The following NCALD variants were observed in gnomAD, a reference collection of about 807,000 sequenced individuals.
NCALD encodes neurocalcin delta, also known as neurocalcin-delta.
A neutral mutation model predicts 18.6 loss-of-function variants in NCALD; 10 were observed. That is an observed-to-expected ratio of 0.54 (90% CI 0.33 to 0.91). The LOEUF (loss-of-function observed/expected upper bound fraction) is 0.91. NCALD is among the 40% of genes least tolerant of loss of function. NCALD has a pLI of 0.03. For synonymous variants in NCALD, 88 were observed against 87.4 expected (o/e 1.01, Z -0.04); for missense variants, 184 against 247.6 (o/e 0.74, Z 1.72).
intron 1 of NCALD, among the ~76,000 whole-genome samples, chr8:102,069,679 C>T (rs1281580890): frequency 6.6e-6 from 1 of 152,204 alleles, no homozygotes; most frequent in Non-Finnish European, 1.5e-5. Context: ...TGCACACACA[C>T]ACAGAAATCC....
chr8:101,729,337 G>C (rs180908619), intron 1 of NCALD, among the ~76,000 whole-genome samples: 15 of 152,316 alleles, frequency 9.8e-5, no homozygotes, highest in Non-Finnish European at 8.8e-5. Flanking sequence ...CACTAACTTA[G>C]TCTTTATCTT....
chr8:101,755,612 G>A lies in NCALD; in HGVS notation c.-20+35250C>T, dbSNP rs371213495. On this transcript the variant is annotated intron_variant, in intron 1 of 3. Coordinates refer to ENST00000220931, the MANE Select transcript of NCALD (RefSeq NM_032041.3). Reference sequence around the variant, plus strand: ...TACCCTCCAGCAGCTTTTCCAGCCCGCATCTCACATCCTAAGGCTTGCAGG... The same window carrying A: ...TACCCTCCAGCAGCTTTTCCAGCCCACATCTCACATCCTAAGGCTTGCAGG... Among the ~76,000 whole-genome samples, 154 of 152,076 alleles carry A rather than the reference G, an allele frequency of 1.0e-3. 8 individuals carry two copies. The South Asian group carries it at 0.03, about 30-fold the overall frequency.
chr8:101,972,013 C>T (rs1418555732), intron 2 of NCALD, among the ~76,000 whole-genome samples: 1 of 152,088 alleles, frequency 6.6e-6, no homozygotes, highest in African/African-American at 2.4e-5. Context: ...GAGAATTGGA[C>T]CTGAACAGCC....
intron 3 of NCALD, among the ~76,000 whole-genome samples, chr8:101,895,492 T>C (rs1361691659): frequency 2.0e-5 from 3 of 151,558 alleles, no homozygotes; most frequent in Non-Finnish European, 2.9e-5. Context: ...CTGTTCAATA[T>C]AGTGTTGGAA....
chr8:101,774,721 T>C (rs1418001753), intron 1 of NCALD, among the ~76,000 whole-genome samples: 2 of 152,182 alleles, frequency 1.3e-5, no homozygotes, highest in Non-Finnish European at 2.9e-5. Flanking sequence ...ACCCAAGGCA[T>C]GTCAGTCCCA....
chr8:101,814,187 C>T (rs1398476674), intron 4 of NCALD, among the ~76,000 whole-genome samples: 1 of 151,754 alleles, frequency 6.6e-6, no homozygotes, highest in East Asian at 1.9e-4. Context: ...GTACCAAACC[C>T]AAAGACATAA....
chr8:101,909,880 AC>A (rs1226674458), intron 3 of NCALD, among the ~76,000 whole-genome samples: 6 of 152,174 alleles, frequency 3.9e-5, no homozygotes, highest in Admixed American at 2.0e-4. Flanking sequence ...GACAGGGTAG[AC>A]CCATAGCAAG....
chr8:101,849,964 T>TC (rs1339599265), intron 4 of NCALD, among the ~76,000 whole-genome samples: 1 of 152,158 alleles, frequency 6.6e-6, no homozygotes, highest in African/African-American at 2.4e-5. Context: ...TAAGAGGTGT[T>TC]CCCCCACTCC....
At chr8:101,701,592 T>C (rs945560881) in intron 2 of NCALD, among the ~76,000 whole-genome samples, 2 of 152,198 alleles carry the variant, frequency 1.3e-5, no homozygotes, top group Non-Finnish European at 2.9e-5. Context: ...CTTGGGATGT[T>C]GGAAAGAGAG....
intron 4 of NCALD, among the ~76,000 whole-genome samples, chr8:101,884,109 T>C (rs1428954661): frequency 6.6e-6 from 1 of 152,212 alleles, no homozygotes; most frequent in Admixed American, 6.5e-5. Flanking sequence ...GGCTCAATTC[T>C]TAGTAAGCTG....
At chr8:101,775,265 C>G (rs953151332) in intron 1 of NCALD, among the ~76,000 whole-genome samples, 1 of 152,184 alleles carries the variant, frequency 6.6e-6, no homozygotes, top group Non-Finnish European at 1.5e-5. Context: ...TATTCCAGCA[C>G]TACTTGTTAA....
At chr8:101,989,845 C>A (rs952440593) in intron 2 of NCALD, among the ~76,000 whole-genome samples, 5 of 152,164 alleles carry the variant, frequency 3.3e-5, no homozygotes, top group African/African-American at 1.2e-4. Flanking sequence ...GGTTATAGTA[C>A]AGAAATGATA....
intron 4 of NCALD, among the ~76,000 whole-genome samples, chr8:101,868,462 G>A (rs73280834): frequency 0.012 from 1,874 of 152,190 alleles, 38 homozygotes; most frequent in African/African-American, 0.041. Flanking sequence ...ACCCCAACTT[G>A]TCACACCTAA....
chr8:101,841,640 T>C (rs1332143764), intron 4 of NCALD, among the ~76,000 whole-genome samples: 1 of 152,232 alleles, frequency 6.6e-6, no homozygotes, highest in African/African-American at 2.4e-5. Context: ...ACCCTGCTTA[T>C]AGTCTTGTTG....
At chr8:101,793,718 A>T (rs548636045), upstream of NCALD, among the ~76,000 whole-genome samples, 1 of 152,348 alleles carries the variant, frequency 6.6e-6, no homozygotes, top group East Asian at 1.9e-4. Flanking sequence ...TTGACAAGTC[A>T]TTTTTTAAGG....
At chr8:102,118,590 G>A (rs1371762904) in intron 1 of NCALD, among the ~76,000 whole-genome samples, 1 of 152,210 alleles carries the variant, frequency 6.6e-6, no homozygotes, top group Non-Finnish European at 1.5e-5. Context: ...TGGGCCATGA[G>A]ATCTCTCGAT....
chr8:102,065,693 T>C (rs184247034), intron 1 of NCALD, among the ~76,000 whole-genome samples: 1 of 152,236 alleles, frequency 6.6e-6, no homozygotes, highest in Non-Finnish European at 1.5e-5. Flanking sequence ...AAAGTAAAAT[T>C]TTACTCTGGG....
rs75064606 is a variant in NCALD at position 101,954,772 on chromosome 8, T to C, written c.-156-38914A>G. 8.4e-3 allele frequency among the ~76,000 whole-genome samples: 1,273 copies of C among 152,352 alleles called. 14 individuals are homozygous for C. The highest frequency in any genetic ancestry group is 0.024 in the Middle Eastern group (7 of 294). The stretch of plus-strand genomic sequence containing the variant: ...AAATAGACTAGTAGACTATAACTTA[T>C]GCTAAAGATAATATAGAAATAAGAA... On this transcript the variant is annotated intron_variant, in intron 2 of 6. Transcript: ENST00000311028.
intron 1 of NCALD, among the ~76,000 whole-genome samples, chr8:102,044,536 C>T (rs1041442041): frequency 6.6e-6 from 1 of 152,180 alleles, no homozygotes; most frequent in African/African-American, 2.4e-5. Flanking sequence ...ACAAAGTTCA[C>T]CAGTGTTTAT....
Sources: allele counts gnomAD v4.1 joint callset (sites outside exome capture counted in the v4.1 genomes callset), GRCh38; gene constraint gnomAD v4.1.1; transcripts MANE v1.5; gene names NCBI Gene and HGNC (gene_info 2026-07-23, HGNC 2026-07-21).